ADARB2: variants seen among roughly 807,000 people sequenced by gnomAD.
ADARB2 encodes inactive double-stranded RNA-specific editase B2.
In ADARB2, 25 loss-of-function variants were observed where a neutral mutation model predicts 62.2. The ratio of observed to expected loss-of-function variants is 0.40; its 90% CI spans 0.29 to 0.56. The LOEUF (loss-of-function observed/expected upper bound fraction) is 0.56, where lower values mean the gene tolerates loss of function less well. Ranked by LOEUF, ADARB2 falls within the 20% of genes least tolerant of loss-of-function variation. ADARB2 has a pLI of 0.43. For synonymous variants in ADARB2, 572 were observed against 500.8 expected, an observed-to-expected ratio of 1.14 and a Z score of -1.90; for missense variants, 1,071 against 1,077.4, an observed-to-expected ratio of 0.99 and a Z score of 0.08.
intron 1 of ADARB2, among the ~76,000 whole-genome samples, chr10:1,400,661 G>T (rs573576756): frequency 8.9e-4 from 135 of 152,322 alleles, no homozygotes; most frequent in African/African-American, 2.6e-3. Flanking sequence ...CCTCTGGGTG[G>T]GGACAACGCA....
intron 1 of ADARB2, among the ~76,000 whole-genome samples, chr10:1,401,350 C>T (rs901397556): frequency 1.3e-5 from 2 of 152,210 alleles, no homozygotes; most frequent in Admixed American, 6.5e-5. Context: ...TGGAACACCC[C>T]GGCCTTCGGT....
chr10:1,670,705 G>A (rs1461500066), intron 1 of ADARB2, among the ~76,000 whole-genome samples: 3 of 152,222 alleles, frequency 2.0e-5, no homozygotes, highest in Non-Finnish European at 4.4e-5. Context: ...CTCAGAAAGT[G>A]TGTGACTTAA....
At position 1,217,127 on chromosome 10, in the gene ADARB2, A is replaced by G; in HGVS notation, c.1514-8T>C. 5 of 1,577,406 alleles carry G rather than the reference A, an allele frequency of 3.2e-6. No homozygotes were observed. Among genetic ancestry groups the G allele is most frequent in the Non-Finnish European group, 4.3e-6 (5 of 1,160,878 alleles). ...GGTGTTTGCTGCTGTGCACTAGGAG[A>G]TAAAAGGGCGGGGAGGGGTGAGAAG... is the stretch of plus-strand genomic sequence containing the variant. On this transcript the variant is annotated splice_polypyrimidine_tract_variant and splice_region_variant and intron_variant, in intron 6 of 9. Coordinates refer to ENST00000381312, the MANE Select transcript of ADARB2 (RefSeq NM_018702.4).
chr10:1,662,064 G>A (rs1417967678), intron 1 of ADARB2, among the ~76,000 whole-genome samples: 3 of 152,138 alleles, frequency 2.0e-5, no homozygotes, highest in African/African-American at 7.2e-5. Flanking sequence ...CCCTAAGCCC[G>A]GGACCCAGAC....
intron 3 of ADARB2, among the ~76,000 whole-genome samples, chr10:1,276,275 TC>T (rs1831315537): frequency 6.6e-6 from 1 of 152,352 alleles, no homozygotes; most frequent in Non-Finnish European, 1.5e-5. Context: ...GAGCATTTTT[TC>T]ATGTGTCTTT....
chr10:1,232,243 G>A (rs1467993103), intron 6 of ADARB2, among the ~76,000 whole-genome samples: 1 of 152,050 alleles, frequency 6.6e-6, no homozygotes, highest in African/African-American at 2.4e-5. Context: ...TGAAAGATCT[G>A]CCTGGAGCTG....
At chr10:1,474,622 T>G (rs61831885) in intron 1 of ADARB2, among the ~76,000 whole-genome samples, 57,418 of 152,038 alleles carry the variant, frequency 0.38, 11,062 homozygotes, top group Admixed American at 0.5. Flanking sequence ...TGGGAGAGGC[T>G]CTCAGCCTCC....
intron 1 of ADARB2, among the ~76,000 whole-genome samples, chr10:1,686,151 A>C (rs1271596791): frequency 6.6e-6 from 1 of 152,256 alleles, no homozygotes; most frequent in Non-Finnish European, 1.5e-5. Flanking sequence ...AAAAACAAAA[A>C]CAGAAACCCA....
intron 3 of ADARB2, among the ~76,000 whole-genome samples, chr10:1,306,348 AC>A (rs1831628904): frequency 6.6e-6 from 1 of 151,986 alleles, no homozygotes; most frequent in Non-Finnish European, 1.5e-5. Context: ...AATCCAACTT[AC>A]AAGGGATGTG....
At chr10:1,692,535 G>A (rs529961091) in intron 1 of ADARB2, among the ~76,000 whole-genome samples, 1 of 152,296 alleles carries the variant, frequency 6.6e-6, no homozygotes, top group East Asian at 1.9e-4. Flanking sequence ...TTAGGAAAAG[G>A]CTGGCAGACT....
At chr10:1,376,899 G>GGT (rs1185659872) in intron 2 of ADARB2, among the ~76,000 whole-genome samples, 1 of 150,682 alleles carries the variant, frequency 6.6e-6, no homozygotes, top group Admixed American at 6.6e-5. Context: ...GTGCTCCTGG[G>GGT]GTGTGTGTGT....
intron 1 of ADARB2, among the ~76,000 whole-genome samples, chr10:1,450,638 A>C (rs1831025576): frequency 6.6e-6 from 1 of 152,210 alleles, no homozygotes; most frequent in Admixed American, 6.5e-5. Flanking sequence ...AGGCTGCCTA[A>C]AGCTATTTGA....
At chr10:1,543,839 C>T (rs552274465) in intron 1 of ADARB2, among the ~76,000 whole-genome samples, 11 of 152,218 alleles carry the variant, frequency 7.2e-5, no homozygotes, top group African/African-American at 2.6e-4. Context: ...GTTTACAGCC[C>T]GCCCGTGACG....
At chr10:1,196,097 A>G (rs1836907617) in intron 8 of ADARB2, among the ~76,000 whole-genome samples, 2 of 151,908 alleles carry the variant, frequency 1.3e-5, no homozygotes. Context: ...CCCTTCTCCC[A>G]GCTCCATTCC....
intron 1 of ADARB2, among the ~76,000 whole-genome samples, chr10:1,500,781 C>T (rs1322222271): frequency 6.6e-6 from 1 of 152,212 alleles, no homozygotes; most frequent in Non-Finnish European, 1.5e-5. Context: ...TCACAACAAT[C>T]ATGGGATAAA....
intron 1 of ADARB2, among the ~76,000 whole-genome samples, chr10:1,501,260 G>C (rs1831765555): frequency 6.6e-6 from 1 of 152,208 alleles, no homozygotes; most frequent in Non-Finnish European, 1.5e-5. Flanking sequence ...TAACTTGCTA[G>C]CTATGTAGGG....
At chr10:1,479,629 C>T (rs901804113) in intron 1 of ADARB2, among the ~76,000 whole-genome samples, 1 of 152,150 alleles carries the variant, frequency 6.6e-6, no homozygotes. Context: ...GGGCAGAGCC[C>T]TATAGGGAGG....
intron 3 of ADARB2, among the ~76,000 whole-genome samples, chr10:1,301,407 T>G (rs1358050933): frequency 6.6e-6 from 1 of 152,190 alleles, no homozygotes; most frequent in Non-Finnish European, 1.5e-5. Context: ...CAGGTGAATT[T>G]TAGAACCTAA....
intron 1 of ADARB2, among the ~76,000 whole-genome samples, chr10:1,601,854 C>T (rs1459470114): frequency 6.6e-6 from 1 of 152,238 alleles, no homozygotes; most frequent in African/African-American, 2.4e-5. Context: ...CAATAGAAAA[C>T]TAAGCCACAG....
Sources: gnomAD v4.1 joint callset for allele counts (sites outside exome capture counted in the v4.1 genomes callset) on GRCh38, gnomAD v4.1.1 for gene constraint, MANE v1.5 for transcripts, NCBI Gene and HGNC (gene_info 2026-07-23, HGNC 2026-07-21) for gene names.